The following CABYR variants were observed in gnomAD, a reference collection of about 807,000 sequenced individuals.
CABYR encodes the protein calcium-binding tyrosine phosphorylation-regulated protein.
CABYR carries 31 observed loss-of-function variants against 36.1 expected under a neutral mutation model. That is an observed-to-expected ratio of 0.86 (90% confidence interval 0.64 to 1.16). The LOEUF is 1.16. Ranked by LOEUF, CABYR falls within the 50% of genes most tolerant of loss-of-function variation. CABYR has a pLI of 0.00. For synonymous variants in CABYR, 146 were observed against 160.7 expected (o/e 0.91, Z 0.69); for missense variants, 429 against 455.8 (o/e 0.94, Z 0.53).
chr18:24,160,788 C>T (rs1366150008), intron 5 of CABYR: 8 of 152,288 alleles, frequency 5.3e-5, no homozygotes, highest in Non-Finnish European at 1.5e-5. Flanking sequence ...CTTTAATTGT[C>T]ACTATTAGGT....
intron 3 of CABYR, among the ~76,000 whole-genome samples, chr18:24,146,201 G>GA (rs1165591001): frequency 6.6e-6 from 1 of 152,094 alleles, no homozygotes; most frequent in Non-Finnish European, 1.5e-5. Context: ...TGAAAAGATG[G>GA]AAAATAGATG....
chr18:24,160,107 C>A (rs1299921031), intron 5 of CABYR, 38 bp downstream of exon 5: 1 of 1,346,194 alleles, frequency 7.4e-7, no homozygotes, highest in South Asian at 1.3e-5. Flanking sequence ...TAGGCCTTAA[C>A]ACACGCGCGT....
chr18:24,156,877 T>G, intron 4 of CABYR: 1 of 1,614,084 alleles, frequency 6.2e-7, no homozygotes, highest in Non-Finnish European at 8.5e-7. Flanking sequence ...GCAGAAGCAG[T>G]GCACTCAGGT....
intron 3 of CABYR, among the ~76,000 whole-genome samples, chr18:24,145,551 C>A (rs1333191970): frequency 6.6e-6 from 1 of 152,162 alleles, no homozygotes; most frequent in African/African-American, 2.4e-5. Flanking sequence ...AGAAAGGAGG[C>A]ATTTTCAGAG....
intron 1 of CABYR, chr18:24,140,060 G>C (rs2145846656): frequency 6.6e-6 from 1 of 152,184 alleles, no homozygotes; most frequent in South Asian, 2.1e-4. Context: ...CGAGTAGCTG[G>C]GACTACAGGC....
chr18:24,151,964 A>G (rs2085649568), intron 3 of CABYR, among the ~76,000 whole-genome samples: 1 of 152,204 alleles, frequency 6.6e-6, no homozygotes, highest in South Asian at 2.1e-4. Context: ...TGCTGGGATT[A>G]TACGCATGAG....
chr18:24,141,333 C>T (rs1428409692), intron 1 of CABYR, among the ~76,000 whole-genome samples: 2 of 152,208 alleles, frequency 1.3e-5, no homozygotes, highest in Non-Finnish European at 2.9e-5. Flanking sequence ...AACTATGCCA[C>T]TTAACCCCGT....
chr18:24,156,624 T>C lies in CABYR; in HGVS notation c.541+582T>C, dbSNP rs944048383. On this transcript the variant is annotated intron_variant, in intron 4 of 5. Coordinates refer to ENST00000399496, the MANE Select transcript of CABYR (RefSeq NM_153769.3). ...ACAGTTGGAGGAGAATGCAAAATATTCCTCAGTATATATGGAGGCAGAAGC... is the reference window on the plus strand; with the variant it reads ...ACAGTTGGAGGAGAATGCAAAATATCCCTCAGTATATATGGAGGCAGAAGC... 1.9e-6 allele frequency: 3 copies of C among 1,614,162 alleles called. No homozygotes were observed. Among genetic ancestry groups the C allele is most frequent in the Admixed American group, 1.7e-5 (1 of 60,026 alleles).
intron 4 of CABYR, chr18:24,156,514 A>G: frequency 6.2e-7 from 1 of 1,614,144 alleles, no homozygotes; most frequent in Non-Finnish European, 8.5e-7. Context: ...GAAAATGAGC[A>G]GTCACCACGA....
At chr18:24,143,828 G>A (rs1416428000) in intron 3 of CABYR, among the ~76,000 whole-genome samples, 1 of 151,892 alleles carries the variant, frequency 6.6e-6, no homozygotes, top group East Asian at 1.9e-4. Flanking sequence ...GAGGAGAATT[G>A]GATTTCATAG....
chr18:24,150,961 A>C (rs1448268091), intron 3 of CABYR, among the ~76,000 whole-genome samples: 1 of 151,842 alleles, frequency 6.6e-6, no homozygotes, highest in East Asian at 1.9e-4. Flanking sequence ...TTGTATTTTT[A>C]GTAGAGACAG....
At chr18:24,160,190 A>G in intron 5 of CABYR, 121 bp downstream of exon 5, 1 of 741,530 alleles carries the variant, frequency 1.3e-6, no homozygotes, top group East Asian at 2.5e-5. Context: ...GTTGGGGTAT[A>G]CTCTAACTTC....
intron 4 of CABYR, among the ~76,000 whole-genome samples, chr18:24,157,737 C>T (rs1292817069): frequency 1.3e-5 from 2 of 152,200 alleles, no homozygotes; most frequent in Non-Finnish European, 2.9e-5. Context: ...GTTGAACTAT[C>T]ACCATGTTTT....
chr18:24,151,655 CA>C (rs2085637620), intron 3 of CABYR, among the ~76,000 whole-genome samples: 1 of 148,470 alleles, frequency 6.7e-6, no homozygotes. Flanking sequence ...TCATGTATTC[CA>C]AACAAAGCCA....
intron 3 of CABYR, among the ~76,000 whole-genome samples, chr18:24,152,374 G>C (rs907935952): frequency 2.6e-5 from 4 of 152,160 alleles, no homozygotes; most frequent in African/African-American, 4.8e-5. Flanking sequence ...CCTGAAGCTT[G>C]GAACAGTTGA....
intron 3 of CABYR, among the ~76,000 whole-genome samples, chr18:24,149,605 G>T (rs2085559185): frequency 6.6e-6 from 1 of 152,262 alleles, no homozygotes; most frequent in African/African-American, 2.4e-5. Flanking sequence ...GGAGCAGGGG[G>T]CGGTGCTCAT....
intron 5 of CABYR, 123 bp downstream of exon 5, chr18:24,160,192 T>G (rs2085917511): frequency 4.1e-6 from 3 of 725,708 alleles, no homozygotes; most frequent in South Asian, 3.7e-5. Context: ...TGGGGTATAC[T>G]CTAACTTCCT....
At chr18:24,142,906 G>T (rs1440988653) in intron 1 of CABYR, among the ~76,000 whole-genome samples, 185 bp from the exon 2 acceptor site, 2 of 151,458 alleles carry the variant, frequency 1.3e-5, no homozygotes, top group African/African-American at 2.4e-5. Flanking sequence ...GGTGCCATGT[G>T]CCTGTAGTCC....
intron 3 of CABYR, among the ~76,000 whole-genome samples, chr18:24,150,256 G>A (rs1485219466): frequency 6.6e-6 from 1 of 152,218 alleles, no homozygotes; most frequent in Non-Finnish European, 1.5e-5. Flanking sequence ...GAGAAGCAAG[G>A]CAAAGGGGCA....
Sources: allele counts gnomAD v4.1 joint callset (sites outside exome capture counted in the v4.1 genomes callset), GRCh38; gene constraint gnomAD v4.1.1; transcripts MANE v1.5; gene names NCBI Gene and HGNC (gene_info 2026-07-23, HGNC 2026-07-21).